The following MR1 variants were observed in gnomAD, a reference collection of about 807,000 sequenced individuals.
MR1 encodes the protein major histocompatibility complex, class I-related.
In MR1, 44 loss-of-function variants were observed where a neutral mutation model predicts 37.8. That is an observed-to-expected ratio of 1.16 (90% CI 0.91 to 1.50). The LOEUF (loss-of-function observed/expected upper bound fraction) is 1.50. MR1 is among the 40% of genes most tolerant of loss of function. MR1 has a pLI of 0.00. For synonymous variants in MR1, 153 were observed against 155.8 expected (o/e 0.98, Z 0.13); for missense variants, 386 against 419.1 (o/e 0.92, Z 0.69).
chr1:181,038,627 G>C (rs533428811), intron 1 of MR1, among the ~76,000 whole-genome samples: 1 of 152,270 alleles, frequency 6.6e-6, no homozygotes, highest in East Asian at 1.9e-4. Flanking sequence ...GGGCAGGAGA[G>C]AGCAGTGATA....
upstream of MR1, chr1:181,033,929 A>T: frequency 8.5e-7 from 1 of 1,182,064 alleles, no homozygotes; most frequent in Non-Finnish European, 1.2e-6. Flanking sequence ...TTATTGGGAG[A>T]AGGCCTTGTG....
rs757838192 is a variant in MR1, at chr1:181,049,226, G to A, written c.242G>A (p.Trp81Ter). 2.5e-6 allele frequency: 4 copies of A among 1,614,196 alleles called. No individual in the cohort carries two copies. The highest frequency in any genetic ancestry group is 3.4e-6 in the Non-Finnish European group (4 of 1,180,032). Reference protein sequence around the residue: ...WMAENLAPDHWERYTQLLRGW... With the variant: ...WMAENLAPDH ...GCAGAGAACCTCGCGCCTGATCACT[G>A]GGAGAGGTACACTCAGCTGCTGAGG... Residue 81 changes from tryptophan (W) to a stop codon, truncating the protein, a stop_gained, in exon 2 of 6, where the codon TGG becomes TAG. Coordinates refer to ENST00000367580, the MANE Select transcript of MR1 (RefSeq NM_001385161.1). LOFTEE classifies it high-confidence loss of function.
At chr1:181,042,936 C>T (rs948654495) in intron 1 of MR1, among the ~76,000 whole-genome samples, 1 of 152,186 alleles carries the variant, frequency 6.6e-6, no homozygotes, top group Non-Finnish European at 1.5e-5. Context: ...ATGTGCCAAG[C>T]TCCCTGTGCT....
At chr1:181,036,144 A>G (rs762978653) in intron 1 of MR1, among the ~76,000 whole-genome samples, 57 of 152,032 alleles carry the variant, frequency 3.7e-4, no homozygotes, top group Admixed American at 1.8e-3. Flanking sequence ...GGCAGTAGCT[A>G]TGTTCTTCTG....
chr1:181,051,269 A>G (rs1375383884), intron 3 of MR1: 13 of 152,140 alleles, frequency 8.5e-5, no homozygotes, highest in South Asian at 2.1e-4. Flanking sequence ...AACAAAAAAA[A>G]AAAAGAAAAG....
At chr1:181,052,959 G>A (rs1658403012) in intron 4 of MR1, among the ~76,000 whole-genome samples, 1 of 152,042 alleles carries the variant, frequency 6.6e-6, no homozygotes, top group South Asian at 2.1e-4. Flanking sequence ...CCCAGCTCCT[G>A]GAGGCTGAGG....
chr1:181,048,993 G>GT (rs1658108970), intron 1 of MR1, 59 bp from the exon 2 acceptor site: 1 of 1,572,962 alleles, frequency 6.4e-7, no homozygotes, highest in South Asian at 1.2e-5. Context: ...AATGAATGCA[G>GT]TTGAAGGATC....
At chr1:181,034,329 C>T (rs1657162320) in intron 1 of MR1, among the ~76,000 whole-genome samples, 1 of 152,164 alleles carries the variant, frequency 6.6e-6, no homozygotes. Context: ...CACTTTCCCT[C>T]TGAGCATGGC....
At chr1:181,043,357 G>T (rs973958246) in intron 1 of MR1, among the ~76,000 whole-genome samples, 1 of 152,206 alleles carries the variant, frequency 6.6e-6, no homozygotes, top group South Asian at 2.1e-4. Flanking sequence ...CCCATGGGGC[G>T]GGGATACCTA....
rs1558114656 is a variant in MR1, at chr1:181,044,050, G to A, written c.68-5002G>A. Among the ~76,000 whole-genome samples the A allele has an allele frequency of 2.9e-5, 4 of 139,524 alleles. No individual in the cohort carries two copies. In the South Asian group the frequency reaches 9.7e-4, roughly 34 times the overall value. 91.5% of individuals were successfully genotyped at this position (139,524 alleles called of 152,430 possible). A position where few individuals can be genotyped will look rare whatever the true frequency, so the allele number is the denominator to read the frequency against. On this transcript the variant is annotated intron_variant, in intron 1 of 5. Coordinates refer to ENST00000367580, the MANE Select transcript of MR1 (RefSeq NM_001385161.1). ...GTGATCTTGGCTCACTGCAAGCTCC[G>A]CCTCCCGGGTTCACACCATTCTCCT... is the stretch of plus-strand genomic sequence containing the variant.
intron 4 of MR1, among the ~76,000 whole-genome samples, 181 bp from the exon 5 acceptor site, chr1:181,053,392 A>G (rs2102402904): frequency 6.6e-6 from 1 of 152,260 alleles, no homozygotes; most frequent in South Asian, 2.1e-4. Flanking sequence ...AAAAAAAAAA[A>G]AAAAATTAAA....
intron 5 of MR1, among the ~76,000 whole-genome samples, chr1:181,054,625 G>A (rs28540353): frequency 6.6e-6 from 1 of 151,916 alleles, no homozygotes; most frequent in African/African-American, 2.4e-5. Context: ...GCCGAGGCAG[G>A]CGGATCACTT....
Position 181,055,400 on chromosome 1 carries a change from A to C in MR1, c.*135A>C, listed in dbSNP as rs1183591624. 2.6e-6 allele frequency: 2 copies of C among 766,036 alleles called. No homozygotes were observed. The highest frequency in any genetic ancestry group is 5.2e-5 in the East Asian group (2 of 38,826). 47.5% of individuals were successfully genotyped at this position (766,036 alleles called of 1,614,324 possible). On this transcript the variant is annotated 3_prime_UTR_variant, in exon 6 of 6. Coordinates refer to ENST00000367580, the MANE Select transcript of MR1 (RefSeq NM_001385161.1). ...ATGAGAGTAATGGGATTGAGCATTT[A>C]TGGCAGCAACAGAGGAGCCACAAAA...
chr1:181,055,439 T>G lies in MR1; in HGVS notation c.*174T>G. 1 of 601,920 alleles carries G rather than the reference T, an allele frequency of 1.7e-6. No homozygotes were observed. Among genetic ancestry groups the G allele is most frequent in the East Asian group, 2.8e-5 (1 of 35,266 alleles). The allele number at this position is 601,920 out of a possible 1,614,324, so 37.3% of individuals were successfully genotyped here. A position where few individuals can be genotyped will look rare whatever the true frequency, so the allele number is the denominator to read the frequency against. On this transcript the variant is annotated 3_prime_UTR_variant, in exon 6 of 6. Transcript: ENST00000367580. ...GGAGCCACAAAATGTTCTTTGTTCTTTGGCTCCAAAAAGACTGTCAGCTTT... is the reference window on the plus strand; with the variant it reads ...GGAGCCACAAAATGTTCTTTGTTCTGTGGCTCCAAAAAGACTGTCAGCTTT...
chr1:181,043,954 G>T (rs1390798164), intron 1 of MR1, among the ~76,000 whole-genome samples: 13 of 129,476 alleles, frequency 1.0e-4, no homozygotes, highest in East Asian at 2.3e-4. Context: ...TTTTTTTTTT[G>T]TCTGATCTTT....
chr1:181,046,434 G>C (rs1314137274), intron 1 of MR1, among the ~76,000 whole-genome samples: 13 of 152,134 alleles, frequency 8.5e-5, no homozygotes, highest in Non-Finnish European at 1.8e-4. Flanking sequence ...TGCACCAATC[G>C]ACACTCTGCA....
chr1:181,035,336 CAAA>C (rs999990886), intron 1 of MR1, among the ~76,000 whole-genome samples: 3 of 141,122 alleles, frequency 2.1e-5, no homozygotes, highest in Admixed American at 1.4e-4. Context: ...GACTCCATCT[CAAA>C]AAAAAAAAAT....
chr1:181,053,088 C>T (rs1658412576), intron 4 of MR1, among the ~76,000 whole-genome samples: 1 of 150,946 alleles, frequency 6.6e-6, no homozygotes, highest in South Asian at 2.1e-4. Context: ...AAACAAAAAA[C>T]AAAAAAACAC....
At chr1:181,055,156 C>G in intron 5 of MR1, 69 bp from the exon 6 acceptor site, 1 of 1,469,772 alleles carries the variant, frequency 6.8e-7, no homozygotes, top group Non-Finnish European at 9.5e-7. Flanking sequence ...TTGCTGAACA[C>G]TGCATACTTT....
Sources: gnomAD v4.1 joint callset for allele counts (sites outside exome capture counted in the v4.1 genomes callset) on GRCh38, gnomAD v4.1.1 for gene constraint, MANE v1.5 for transcripts, NCBI Gene and HGNC (gene_info 2026-07-23, HGNC 2026-07-21) for gene names.